PARD3B: variants seen among roughly 807,000 people sequenced by gnomAD.
PARD3B encodes the protein par-3 family cell polarity regulator beta, also known as partitioning defective 3 homolog B.
A neutral mutation model predicts 130.2 loss-of-function variants in PARD3B; 103 were observed. That is an observed-to-expected ratio of 0.79 (90% CI 0.67 to 0.93). The LOEUF (loss-of-function observed/expected upper bound fraction) is 0.93, where lower values mean the gene tolerates loss of function less well. PARD3B is among the 40% of genes least tolerant of loss of function. PARD3B has a pLI of 0.00. For missense variants in PARD3B, 1,609 were observed against 1,499.2 expected, an observed-to-expected ratio of 1.07 and a Z score of -1.21; for synonymous variants, 583 against 553.2, an observed-to-expected ratio of 1.05 and a Z score of -0.76.
chr2:205,034,373 C>T lies in PARD3B; in HGVS notation c.395-13208C>T, dbSNP rs184000934. On this transcript the variant is annotated intron_variant, in intron 3 of 22. Coordinates refer to ENST00000406610, the MANE Select transcript of PARD3B (RefSeq NM_001302769.2). ...TCTTGTTTGACAACTTGTTTTATCC[C>T]GATTTTAAATGTCCGTATTTATTTA... Among the ~76,000 whole-genome samples the T allele has an allele frequency of 7.2e-5, 11 of 152,230 alleles. 1 individual carries two copies. Among genetic ancestry groups the T allele is most frequent in the Admixed American group, 5.9e-4 (9 of 15,274 alleles).
intron 21 of PARD3B, among the ~76,000 whole-genome samples, chr2:205,547,907 GCTCTGGAATTGAAGGTGACA>G (rs1404645925): frequency 6.6e-6 from 1 of 152,116 alleles, no homozygotes; most frequent in Non-Finnish European, 1.5e-5. Flanking sequence ...AGCTTTCCAG[GCTCTGGAATTGAAGGTGACA>G]CTCTACAAGA....
intron 2 of PARD3B, among the ~76,000 whole-genome samples, chr2:204,735,089 C>A (rs1395853283): frequency 1.4e-5 from 2 of 147,696 alleles, no homozygotes; most frequent in Non-Finnish European, 2.9e-5. Flanking sequence ...GCAATTGATC[C>A]AGTCAAGTGG....
At position 205,274,729 on chromosome 2, in the gene PARD3B, T is replaced by C. The variant is rs182877214; in HGVS notation, c.2186-25801T>C. On this transcript the variant is annotated intron_variant, in intron 16 of 22. Coordinates refer to ENST00000406610, the MANE Select transcript of PARD3B (RefSeq NM_001302769.2). The surrounding 1 kb of genome is among the most constrained non-coding windows in gnomAD (Gnocchi z 4.2). ...TTAGCACCAAATGCAGAATTTATTA[T>C]GCAACTTTTAAGCCCTCTACAGAAA... 3.9e-5 allele frequency among the ~76,000 whole-genome samples: 6 copies of C among 152,308 alleles called. No homozygotes were observed. In the East Asian group the frequency reaches 7.7e-4, roughly 20 times the overall value.
At chr2:204,975,398 G>C (rs1692060413) in intron 3 of PARD3B, among the ~76,000 whole-genome samples, 1 of 152,196 alleles carries the variant, frequency 6.6e-6, no homozygotes. Context: ...CGATCTGCAA[G>C]GACCTAATGG....
intron 2 of PARD3B, among the ~76,000 whole-genome samples, chr2:204,780,598 T>TC (rs1015221123): frequency 1.3e-5 from 2 of 152,288 alleles, no homozygotes; most frequent in Non-Finnish European, 2.9e-5. Context: ...AATCTCTTTT[T>TC]CCCCCAAGAA....
rs183531046 is a variant in PARD3B, at chr2:205,361,124, G to A, written c.2631-39889G>A. Among the ~76,000 whole-genome samples the A allele has an allele frequency of 2.8e-3, 431 of 152,228 alleles. 1 individual carries two copies. The highest frequency in any genetic ancestry group is 4.8e-3 in the Admixed American group (74 of 15,292). Reference sequence around the variant, plus strand: ...AAGGATAAGAAAAAAAAACTTGGAGGAGACTAATGCGTAAAGCAAATGGGC... The same window carrying A: ...AAGGATAAGAAAAAAAAACTTGGAGAAGACTAATGCGTAAAGCAAATGGGC... On this transcript the variant is annotated intron_variant, in intron 18 of 22. Coordinates refer to ENST00000406610, the MANE Select transcript of PARD3B (RefSeq NM_001302769.2).
At chr2:204,713,411 G>A (rs547213193) in intron 2 of PARD3B, among the ~76,000 whole-genome samples, 4 of 141,784 alleles carry the variant, frequency 2.8e-5, no homozygotes, top group South Asian at 2.1e-4. Context: ...TAAAATAGAC[G>A]TACCATAAAA....
Position 204,850,745 on chromosome 2 carries a change from A to T in PARD3B, c.223-114407A>T, listed in dbSNP as rs1242940776. 2.0e-5 allele frequency among the ~76,000 whole-genome samples: 3 copies of T among 152,124 alleles called. No individual in the cohort carries two copies. In the East Asian group the frequency reaches 5.8e-4, roughly 29 times the overall value. On this transcript the variant is annotated intron_variant, in intron 2 of 22. Transcript: ENST00000406610. ...CACTGACCAAATGCTGAAACATGTG[A>T]CTGCCTATGAGTTTGCATAGTTTGT...
chr2:204,699,238 T>C (rs2037765754), intron 2 of PARD3B, among the ~76,000 whole-genome samples: 1 of 152,066 alleles, frequency 6.6e-6, no homozygotes, highest in African/African-American at 2.4e-5. Context: ...GGCCCCTAAA[T>C]GGGGCAGACT....
chr2:205,132,357 G>C (rs2032080642), intron 10 of PARD3B, among the ~76,000 whole-genome samples: 1 of 152,066 alleles, frequency 6.6e-6, no homozygotes, highest in Non-Finnish European at 1.5e-5. Context: ...TATTATCCTA[G>C]AGTTTTATGA....
chr2:205,084,146 T>C (rs1701603375), intron 4 of PARD3B, among the ~76,000 whole-genome samples: 1 of 152,148 alleles, frequency 6.6e-6, no homozygotes. Context: ...AAAATGCACC[T>C]ACACGTTGCT....
chr2:205,486,180 T>C (rs2049434514), intron 20 of PARD3B, among the ~76,000 whole-genome samples: 1 of 152,216 alleles, frequency 6.6e-6, no homozygotes, highest in Non-Finnish European at 1.5e-5. Context: ...TTTTCTATTC[T>C]GTTTTGAAGA....
At chr2:205,438,904 G>A (rs1023394168) in intron 19 of PARD3B, among the ~76,000 whole-genome samples, 1 of 152,068 alleles carries the variant, frequency 6.6e-6, no homozygotes, top group African/African-American at 2.4e-5. Flanking sequence ...GATAGGTGCT[G>A]GGGTTTTGTT....
At chr2:205,409,371 T>G (rs901132185) in intron 19 of PARD3B, among the ~76,000 whole-genome samples, 1 of 152,158 alleles carries the variant, frequency 6.6e-6, no homozygotes, top group Non-Finnish European at 1.5e-5. Context: ...TTGCCTCTGA[T>G]TTAGAGAAAT....
In PARD3B at chr2:205,245,811, G is replaced by A. The variant is rs1310529940; in HGVS notation, c.2174G>A (p.Gly725Glu). ...GAAAGCAAGGTTCACTCATTGGCTGGACAAAAATCGGGTAAGAAATTCCTT... is the reference window on the plus strand; with the variant it reads ...GAAAGCAAGGTTCACTCATTGGCTGAACAAAAATCGGGTAAGAAATTCCTT... The part of the protein sequence containing the change: ...PDESKVHSLA[G>E]QKSESPSKDF... The change falls in exon 16 of 23, where the codon GGA (glycine) becomes GAA (glutamate). Residue 725 changes from glycine (G) to glutamate (E), a missense_variant. Coordinates refer to ENST00000406610, the MANE Select transcript of PARD3B (RefSeq NM_001302769.2). 4 of 1,597,080 alleles carry A rather than the reference G, an allele frequency of 2.5e-6. No individual in the cohort carries two copies. In the Admixed American group the frequency reaches 6.7e-5, roughly 27 times the overall value.
At chr2:205,141,519 C>T (rs2032950734) in intron 10 of PARD3B, among the ~76,000 whole-genome samples, 1 of 152,186 alleles carries the variant, frequency 6.6e-6, no homozygotes, top group Non-Finnish European at 1.5e-5. Flanking sequence ...AAGTGAATGA[C>T]AGATTTACTC....
At chr2:204,687,512 C>T (rs149768482) in intron 2 of PARD3B, among the ~76,000 whole-genome samples, 2,376 of 152,214 alleles carry the variant, frequency 0.016, 50 homozygotes, top group Non-Finnish European at 0.018. Flanking sequence ...ATATCTTACA[C>T]AAACTTGATT....
At chr2:205,000,020 T>G (rs953914847) in intron 3 of PARD3B, among the ~76,000 whole-genome samples, 1 of 135,348 alleles carries the variant, frequency 7.4e-6, no homozygotes, top group South Asian at 2.2e-4. Flanking sequence ...AGTCACAGGG[T>G]TTTTTTTTTT....
At chr2:205,380,973 T>C (rs1183618673) in intron 18 of PARD3B, among the ~76,000 whole-genome samples, 7 of 109,068 alleles carry the variant, frequency 6.4e-5, no homozygotes, top group Non-Finnish European at 9.9e-5. Flanking sequence ...ATCTAAAGAA[T>C]ATATTATATA....
Sources: allele counts gnomAD v4.1 joint callset (sites outside exome capture counted in the v4.1 genomes callset), GRCh38; gene constraint gnomAD v4.1.1; non-coding constraint Gnocchi (gnomAD v3.1); transcripts MANE v1.5; gene names NCBI Gene and HGNC (gene_info 2026-07-23, HGNC 2026-07-21).